The following CCN4 variants were observed in gnomAD, a reference collection of about 807,000 sequenced individuals.
The protein encoded by CCN4 is CCN family member 4.
CCN4 carries 30 observed loss-of-function variants against 36.7 expected under a neutral mutation model. That is an observed-to-expected ratio of 0.82 (90% CI 0.61 to 1.11). The LOEUF is 1.11. Ranked by LOEUF, CCN4 falls within the 50% of genes least tolerant of loss-of-function variation. CCN4 has a pLI of 0.00. For synonymous variants in CCN4, 191 were observed against 195.4 expected (o/e 0.98, Z 0.19); for missense variants, 505 against 504.9 (o/e 1.00, Z 0.00).
chr8:133,210,444 GTT>G, intron 1 of CCN4, among the ~76,000 whole-genome samples: 1 of 151,400 alleles, frequency 6.6e-6, no homozygotes, highest in East Asian at 1.9e-4. Flanking sequence ...GATATGTAGG[GTT>G]TTCTTGCATC....
At chr8:133,207,609 T>A (rs1368335563) in intron 1 of CCN4, among the ~76,000 whole-genome samples, 1 of 152,216 alleles carries the variant, frequency 6.6e-6, no homozygotes, top group African/African-American at 2.4e-5. Flanking sequence ...AACCTCTCTG[T>A]GCCTCTGTGT....
chr8:133,219,443 C>A (rs1324593146), intron 2 of CCN4, among the ~76,000 whole-genome samples: 3 of 152,308 alleles, frequency 2.0e-5, no homozygotes, highest in Non-Finnish European at 2.9e-5. Flanking sequence ...CCCAGTGAGG[C>A]CTTCCCCATC....
rs140712611 is a variant in CCN4 at position 133,220,982 on chromosome 8, C to T, written c.610+141C>T. On this transcript the variant is annotated intron_variant, in intron 3 of 4. Transcript: ENST00000250160. Reference sequence around the variant, plus strand: ...GTGACCTTGAGAAAGTCATACCTCCCCTGAGACCCTATTTCCCCATCTGTA... The same window carrying T: ...GTGACCTTGAGAAAGTCATACCTCCTCTGAGACCCTATTTCCCCATCTGTA... The T allele has an allele frequency of 2.0e-3, 2,231 of 1,142,594 alleles. 30 individuals are homozygous for T. The African/African-American group carries it at 0.032, about 16-fold the overall frequency. The allele number at this position is 1,142,594 out of a possible 1,614,324, so 70.8% of individuals were successfully genotyped here.
chr8:133,212,836 C>A, intron 1 of CCN4, 28 bp from the exon 2 acceptor site: 1 of 1,507,206 alleles, frequency 6.6e-7, no homozygotes. Flanking sequence ...CTCAGCAGCC[C>A]CCCTTTCCCT....
intron 2 of CCN4, among the ~76,000 whole-genome samples, chr8:133,216,569 C>T (rs537366871): frequency 1.3e-5 from 2 of 152,194 alleles, no homozygotes; most frequent in African/African-American, 4.8e-5. Flanking sequence ...TAAAACCACT[C>T]TGTGGGCCAA....
Position 133,211,712 on chromosome 8 carries a change from C to T in CCN4, c.70-1152C>T, listed in dbSNP as rs147563942. Among the ~76,000 whole-genome samples, 1,484 of 152,320 alleles carry T rather than the reference C, an allele frequency of 9.7e-3. 22 individuals carry two copies. Among genetic ancestry groups the T allele is most frequent in the African/African-American group, 0.034 (1,403 of 41,574 alleles). Reference sequence around the variant, plus strand: ...CCCCACAGAAGCCCTGGATTCTCCTCTGCTTACTTCAGAACTCAGCCGTCA... The same window carrying T: ...CCCCACAGAAGCCCTGGATTCTCCTTTGCTTACTTCAGAACTCAGCCGTCA... On this transcript the variant is annotated intron_variant, in intron 1 of 4. Coordinates refer to ENST00000250160, the MANE Select transcript of CCN4 (RefSeq NM_003882.4).
intron 1 of CCN4, among the ~76,000 whole-genome samples, chr8:133,211,144 G>A (rs894892480): frequency 7.2e-5 from 11 of 152,192 alleles, no homozygotes; most frequent in African/African-American, 2.4e-4. Context: ...CAAGGTGCAA[G>A]AGTGGACCCC....
intron 1 of CCN4, among the ~76,000 whole-genome samples, chr8:133,202,419 T>C (rs1564253438): frequency 6.6e-6 from 1 of 152,208 alleles, no homozygotes; most frequent in African/African-American, 2.4e-5. Context: ...GGCCACTGCA[T>C]GTGGGACTTA....
chr8:133,192,610 G>A (rs1163877485), intron 1 of CCN4, among the ~76,000 whole-genome samples: 1 of 152,236 alleles, frequency 6.6e-6, no homozygotes, highest in Admixed American at 6.5e-5. Flanking sequence ...TCCTACAGGA[G>A]TGCCCAGAAG....
At chr8:133,221,584 G>T (rs1467521152) in intron 3 of CCN4, among the ~76,000 whole-genome samples, 1 of 151,846 alleles carries the variant, frequency 6.6e-6, no homozygotes, top group Non-Finnish European at 1.5e-5. Flanking sequence ...TGAATGGGTG[G>T]ATTAATAGAT....
chr8:133,208,801 T>A (rs1853876726), intron 1 of CCN4, among the ~76,000 whole-genome samples: 2 of 152,182 alleles, frequency 1.3e-5, no homozygotes, highest in South Asian at 4.1e-4. Context: ...TCCCCTGTCA[T>A]CCCACAGGCA....
chr8:133,220,206 A>C (rs1484244918), intron 2 of CCN4, among the ~76,000 whole-genome samples: 5 of 151,854 alleles, frequency 3.3e-5, no homozygotes, highest in Admixed American at 3.3e-4. Flanking sequence ...TTTTTTTTAC[A>C]AGTCGGTCAC....
chr8:133,218,562 T>C (rs1854410469), intron 2 of CCN4, among the ~76,000 whole-genome samples: 2 of 152,196 alleles, frequency 1.3e-5, no homozygotes. Context: ...ACAGAGACAG[T>C]ACTTCGAAAA....
chr8:133,220,557 C>T (rs1455888703), intron 2 of CCN4, 24 bp from the exon 3 acceptor site: 4 of 1,603,984 alleles, frequency 2.5e-6, no homozygotes, highest in Non-Finnish European at 3.4e-6. Context: ...GCCACTGGGC[C>T]TGACCGGCCA....
intron 3 of CCN4, among the ~76,000 whole-genome samples, chr8:133,223,025 A>G (rs989223339): frequency 1.3e-5 from 2 of 152,008 alleles, no homozygotes; most frequent in Non-Finnish European, 2.9e-5. Context: ...GCTCCCTCAG[A>G]GATGTGACAA....
chr8:133,220,145 C>T (rs1854464090), intron 2 of CCN4, among the ~76,000 whole-genome samples: 1 of 152,164 alleles, frequency 6.6e-6, no homozygotes, highest in Admixed American at 6.5e-5. Context: ...ATAGAAGGCT[C>T]CATGAATGTG....
chr8:133,216,441 A>C (rs754349414), intron 2 of CCN4, among the ~76,000 whole-genome samples: 1 of 152,020 alleles, frequency 6.6e-6, no homozygotes, highest in Non-Finnish European at 1.5e-5. Context: ...GGGCCCAGCC[A>C]CTCTGGCCAA....
intron 1 of CCN4, among the ~76,000 whole-genome samples, chr8:133,199,414 T>C (rs2130537425): frequency 6.6e-6 from 1 of 152,266 alleles, no homozygotes; most frequent in Non-Finnish European, 1.5e-5. Context: ...TGGGTCTCAG[T>C]TTCTCATCTG....
chr8:133,209,726 G>C (rs1024303625), intron 1 of CCN4, among the ~76,000 whole-genome samples: 2 of 152,218 alleles, frequency 1.3e-5, no homozygotes, highest in Non-Finnish European at 2.9e-5. Flanking sequence ...CCCCAACTCT[G>C]TTCTGGGCAC....
Sources: allele counts gnomAD v4.1 joint callset (sites outside exome capture counted in the v4.1 genomes callset), GRCh38; gene constraint gnomAD v4.1.1; transcripts MANE v1.5; gene names NCBI Gene and HGNC (gene_info 2026-07-23, HGNC 2026-07-21).